Variants in PRKAA2 observed in about 807,000 individuals in gnomAD.
PRKAA2 encodes 5'-AMP-activated protein kinase catalytic subunit alpha-2.
A neutral mutation model predicts 56.3 loss-of-function variants in PRKAA2; 40 were observed. The observed-to-expected ratio is 0.71, with a 90% CI of 0.55 to 0.92. The LOEUF is 0.92. Among genes scored for constraint, PRKAA2 ranks in the 40% least tolerant of loss-of-function variants. The pLI is 0.00. For missense variants in PRKAA2, 542 were observed against 686.9 expected (o/e 0.79, Z 2.36); for synonymous variants, 214 against 234.2 (o/e 0.91, Z 0.79).
At chr1:56,658,830 C>T (rs545883180) in intron 1 of PRKAA2, among the ~76,000 whole-genome samples, 3 of 151,958 alleles carry the variant, frequency 2.0e-5, no homozygotes, top group South Asian at 4.2e-4. Flanking sequence ...ACCTCTGTCT[C>T]CCGGGCTCAA....
chr1:56,680,176 C>T (rs77105136), intron 2 of PRKAA2, among the ~76,000 whole-genome samples: 4,802 of 152,206 alleles, frequency 0.032, 102 homozygotes, highest in Non-Finnish European at 0.048. Context: ...AACTGTACCC[C>T]TGAAAACCTA....
intron 2 of PRKAA2, among the ~76,000 whole-genome samples, chr1:56,689,889 GACACACAGAC>G (rs1424088925): frequency 1.6e-5 from 1 of 62,380 alleles, no homozygotes; most frequent in South Asian, 1.0e-3. Flanking sequence ...TAGAAACACA[GACACACAGAC>G]ACACACACAC....
At chr1:56,703,185 T>C (rs1349404969) in intron 6 of PRKAA2, among the ~76,000 whole-genome samples, 1 of 152,188 alleles carries the variant, frequency 6.6e-6, no homozygotes, top group Non-Finnish European at 1.5e-5. Flanking sequence ...TCTCAGACTT[T>C]TTGATTTTAA....
At position 56,704,085 on chromosome 1, in the gene PRKAA2, A is replaced by G. The variant is rs1419238764; in HGVS notation, c.903A>G (p.Glu301=). Residue 301 remains glutamate (E), a synonymous_variant, in exon 7 of 9, where the codon GAA becomes GAG. Coordinates refer to ENST00000371244, the MANE Select transcript of PRKAA2 (RefSeq NM_006252.4). ...EAVKEVCEKF[E]CTESEVMNSL... is the part of the protein sequence containing the mutation. ...TGAAAGAAGTGTGTGAAAAATTTGAATGTACAGAATCAGAAGTAATGAACA... is the reference window on the plus strand; with the variant it reads ...TGAAAGAAGTGTGTGAAAAATTTGAGTGTACAGAATCAGAAGTAATGAACA... 6 of 1,614,082 alleles carry G rather than the reference A, an allele frequency of 3.7e-6. No individual in the cohort carries two copies. Among genetic ancestry groups the G allele is most frequent in the Non-Finnish European group, 5.1e-6 (6 of 1,180,040 alleles).
Position 56,711,565 on chromosome 1 carries a change from C to G in PRKAA2, c.*3852C>G, listed in dbSNP as rs1644368974. 1 of 152,034 alleles carries G rather than the reference C, an allele frequency of 6.6e-6. No individual in the cohort carries two copies. The highest frequency in any genetic ancestry group is 1.5e-5 in the Non-Finnish European group (1 of 67,984). The allele number at this position is 152,034 out of a possible 1,614,324, so 9.4% of individuals were successfully genotyped here. On this transcript the variant is annotated 3_prime_UTR_variant, in exon 9 of 9. Coordinates refer to ENST00000371244, the MANE Select transcript of PRKAA2 (RefSeq NM_006252.4). ...TGTTTTTGTTTATTTGTTTTTAAGACCCAAACCTTTTCAATCTTGCATTTA... is the reference window on the plus strand; with the variant it reads ...TGTTTTTGTTTATTTGTTTTTAAGAGCCAAACCTTTTCAATCTTGCATTTA...
In PRKAA2 at chr1:56,708,298, C is replaced by T. The variant is rs1283533812; in HGVS notation, c.*585C>T. 6.6e-6 allele frequency: 1 copy of T among 152,312 alleles called. No individual in the cohort carries two copies. Among genetic ancestry groups the T allele is most frequent in the Non-Finnish European group, 1.5e-5 (1 of 68,188 alleles). 9.4% of individuals were successfully genotyped at this position (152,312 alleles called of 1,614,324 possible). A position where few individuals can be genotyped will look rare whatever the true frequency, so the allele number is the denominator to read the frequency against. On this transcript the variant is annotated 3_prime_UTR_variant, in exon 9 of 9. Transcript: ENST00000371244. ...GTGTATTCAACAGAAGGACTGTGGT[C>T]ATGTAACAGGTAACCACAATTTTCA...
At position 56,708,075 on chromosome 1, in the gene PRKAA2, G is replaced by A. The variant is rs1178932607; in HGVS notation, c.*362G>A. 8.6e-6 allele frequency: 2 copies of A among 231,770 alleles called. No individual in the cohort carries two copies. The highest frequency in any genetic ancestry group is 1.7e-5 in the Non-Finnish European group (2 of 117,422). The allele number at this position is 231,770 out of a possible 1,614,324, so 14.4% of individuals were successfully genotyped here. On this transcript the variant is annotated 3_prime_UTR_variant, in exon 9 of 9. Transcript: ENST00000371244. ...ACACCTCCTTGCTTTGCTGTTTGGTGTAGGTAAATCTAGTTTACTTCCTAA... is the reference window on the plus strand; with the variant it reads ...ACACCTCCTTGCTTTGCTGTTTGGTATAGGTAAATCTAGTTTACTTCCTAA...
intron 1 of PRKAA2, among the ~76,000 whole-genome samples, chr1:56,667,460 C>T (rs570518628): frequency 2.6e-4 from 39 of 152,246 alleles, no homozygotes; most frequent in African/African-American, 8.4e-4. Context: ...TTAATAAATT[C>T]TATAATACCT....
intron 1 of PRKAA2, among the ~76,000 whole-genome samples, chr1:56,657,725 ACTCC>A (rs1643957508): frequency 6.6e-6 from 1 of 152,038 alleles, no homozygotes; most frequent in African/African-American, 2.4e-5. Flanking sequence ...ACAGAGCAAG[ACTCC>A]GTCTCAAAAT....
chr1:56,687,117 C>T (rs950439548), intron 2 of PRKAA2, among the ~76,000 whole-genome samples: 3 of 152,152 alleles, frequency 2.0e-5, no homozygotes, highest in Admixed American at 6.5e-5. Flanking sequence ...CTCTCGACCT[C>T]AGGTGATTCA....
chr1:56,704,351 C>A lies in PRKAA2; in HGVS notation c.1169C>A (p.Thr390Asn). The change falls in exon 7 of 9, where the codon ACT becomes AAT. Residue 390 changes from threonine to asparagine, a missense_variant. Around this residue, in one of 5 missense-constraint regions of PRKAA2, gnomAD observed 198 missense variants for 234.0 expected, o/e 0.85. Coordinates refer to ENST00000371244, the MANE Select transcript of PRKAA2 (RefSeq NM_006252.4). ...ARCPLDALNTTKPKSLAVKKA... is the reference protein window; with the variant it reads ...ARCPLDALNTNKPKSLAVKKA... ...TGTCCATTGGATGCACTGAATACGA[C>A]TAAGCCCAAATCTTTAGCTGTGAAA... 6.2e-7 allele frequency: 1 copy of A among 1,614,162 alleles called. No individual in the cohort carries two copies. The highest frequency in any genetic ancestry group is 1.1e-5 in the South Asian group (1 of 91,084).
At chr1:56,687,343 G>T (rs563890951) in intron 2 of PRKAA2, among the ~76,000 whole-genome samples, 1 of 152,076 alleles carries the variant, frequency 6.6e-6, no homozygotes, top group Non-Finnish European at 1.5e-5. Context: ...GCAAAGAACA[G>T]TTTAACATAT....
intron 2 of PRKAA2, among the ~76,000 whole-genome samples, chr1:56,678,286 G>A (rs904794207): frequency 3.3e-5 from 5 of 152,270 alleles, no homozygotes; most frequent in Admixed American, 2.0e-4. Flanking sequence ...TATTGACATC[G>A]TCTGTAACAG....
At chr1:56,662,324 G>A (rs1644000612) in intron 1 of PRKAA2, among the ~76,000 whole-genome samples, 1 of 151,874 alleles carries the variant, frequency 6.6e-6, no homozygotes, top group African/African-American at 2.4e-5. Context: ...ATATATCTTT[G>A]AGAAAAACAT....
intron 1 of PRKAA2, among the ~76,000 whole-genome samples, chr1:56,645,987 A>AC (rs900491508): frequency 2.0e-4 from 31 of 152,222 alleles, no homozygotes; most frequent in African/African-American, 7.2e-4. Flanking sequence ...TGTTGTCCTC[A>AC]CCCTAAAGGT....
intron 2 of PRKAA2, among the ~76,000 whole-genome samples, chr1:56,690,458 C>A (rs2100422559): frequency 6.6e-6 from 1 of 152,106 alleles, no homozygotes; most frequent in Middle Eastern, 3.4e-3. Flanking sequence ...CGTGAGCCAC[C>A]ACGCCCGGCC....
At chr1:56,684,083 A>T (rs1454798062) in intron 2 of PRKAA2, among the ~76,000 whole-genome samples, 2 of 152,148 alleles carry the variant, frequency 1.3e-5, no homozygotes, top group African/African-American at 4.8e-5. Context: ...TGTACTTTCA[A>T]GATAGAGTCA....
chr1:56,698,779 C>T (rs1246662891), intron 6 of PRKAA2, among the ~76,000 whole-genome samples: 1 of 152,056 alleles, frequency 6.6e-6, no homozygotes, highest in Non-Finnish European at 1.5e-5. Context: ...TATTTATTTG[C>T]TTATTTAACC....
At position 56,655,561 on chromosome 1, in the gene PRKAA2, TGTTTTTTAC is replaced by T. The variant is rs556589703; in HGVS notation, c.94+10081_94+10089del. Among the ~76,000 whole-genome samples, 466 of 152,080 alleles carry T rather than the reference TGTTTTTTAC, an allele frequency of 3.1e-3. 2 individuals are homozygous for T. Among genetic ancestry groups the T allele is most frequent in the African/African-American group, 0.01 (429 of 41,482 alleles). ...TAGTCATACGGGATTTTAAGCAAAA[TGTTTTTTAC>T]CAGTGTTCATCTGCTCATGAGGGAT... is the stretch of plus-strand genomic sequence containing the variant. On this transcript the variant is annotated intron_variant, in intron 1 of 8. Transcript: ENST00000371244.
Sources: allele counts gnomAD v4.1 joint callset (sites outside exome capture counted in the v4.1 genomes callset), GRCh38; gene constraint gnomAD v4.1.1; regional missense constraint gnomAD v4.1.1; transcripts MANE v1.5; gene names NCBI Gene and HGNC (gene_info 2026-07-23, HGNC 2026-07-21).